AEBP2: variants seen among roughly 807,000 people sequenced by gnomAD.
AEBP2 encodes zinc finger protein AEBP2.
AEBP2 carries 10 observed loss-of-function variants against 50.8 expected under a neutral mutation model. The observed-to-expected ratio is 0.20, with a 90% confidence interval of 0.12 to 0.33. AEBP2 has a LOEUF of 0.33. Among genes scored for constraint, AEBP2 ranks in the 10% least tolerant of loss-of-function variants. The pLI is 1.00. For synonymous variants in AEBP2, 296 were observed against 261.3 expected, an observed-to-expected ratio of 1.13 and a Z score of -1.28; for missense variants, 570 against 688.0, an observed-to-expected ratio of 0.83 and a Z score of 1.92.
chr12:19,483,885 G>C (rs1056915628), intron 3 of AEBP2, among the ~76,000 whole-genome samples: 2 of 152,154 alleles, frequency 1.3e-5, no homozygotes, highest in African/African-American at 2.4e-5. Flanking sequence ...TGAGTGGGTG[G>C]ATCAAAGGTT....
rs772301954 is a variant in AEBP2 at position 19,518,698 on chromosome 12, A to G, written c.*581A>G. The G allele has an allele frequency of 3.4e-6, 5 of 1,492,244 alleles. No homozygotes were observed. The highest frequency in any genetic ancestry group is 1.3e-5 in the South Asian group (1 of 77,046). The allele number at this position is 1,492,244 out of a possible 1,614,324, so 92.4% of individuals were successfully genotyped here. A position where few individuals can be genotyped will look rare whatever the true frequency, so the allele number is the denominator to read the frequency against. ...AGAACTCTGATAAGAAAAGTGTTCA[A>G]TTTGTATTTAAGCAAACAGTGAACG... is the stretch of plus-strand genomic sequence containing the variant. On this transcript the variant is annotated 3_prime_UTR_variant, in exon 8 of 8. Transcript: ENST00000266508.
intron 2 of AEBP2, among the ~76,000 whole-genome samples, chr12:19,466,593 C>T (rs117669067): frequency 0.021 from 3,271 of 152,326 alleles, 40 homozygotes; most frequent in East Asian, 0.042. Context: ...ATTAAACAAA[C>T]TTACTCTCTG....
chr12:19,482,000 C>T (rs535143622), intron 3 of AEBP2, among the ~76,000 whole-genome samples: 1 of 152,306 alleles, frequency 6.6e-6, no homozygotes, highest in East Asian at 1.9e-4. Context: ...GGTTTGGATA[C>T]ATTACTGGGG....
In AEBP2 at chr12:19,451,258, C is replaced by T. The variant is rs368299251; in HGVS notation, c.671+10888C>T. Among the ~76,000 whole-genome samples the T allele has an allele frequency of 1.2e-4, 19 of 152,218 alleles. No homozygotes were observed. The South Asian group carries it at 2.7e-3, about 22-fold the overall frequency. On this transcript the variant is annotated intron_variant, in intron 1 of 7. Coordinates refer to ENST00000266508, the MANE Select transcript of AEBP2 (RefSeq NM_153207.5). ...ATTTCTGCTCTACTTGGTATCAGCT[C>T]GTGGAAGCAGCTTAAAGACTGGGGA...
intron 1 of AEBP2, among the ~76,000 whole-genome samples, chr12:19,415,751 G>T (rs1233495780): frequency 6.6e-6 from 1 of 151,822 alleles, no homozygotes; most frequent in Non-Finnish European, 1.5e-5. Context: ...CATTACTAGG[G>T]TGTAGGAATC....
At chr12:19,420,021 G>GTTTTT (rs569003269) in intron 1 of AEBP2, among the ~76,000 whole-genome samples, 1 of 128,870 alleles carries the variant, frequency 7.8e-6, no homozygotes, top group Non-Finnish European at 1.6e-5. Context: ...TGCATTAATA[G>GTTTTT]TTTTTTTTTT....
chr12:19,468,154 G>GTGTA (rs1948513252), intron 2 of AEBP2, among the ~76,000 whole-genome samples: 1 of 149,658 alleles, frequency 6.7e-6, no homozygotes, highest in South Asian at 2.1e-4. Context: ...GTGTGTGTGT[G>GTGTA]TGTATGTGTT....
chr12:19,432,083 G>A (rs2095751712), intron 1 of AEBP2, among the ~76,000 whole-genome samples: 1 of 152,132 alleles, frequency 6.6e-6, no homozygotes, highest in Non-Finnish European at 1.5e-5. Context: ...GCTGCCATGG[G>A]GGCTGAAGCT....
intron 2 of AEBP2, among the ~76,000 whole-genome samples, chr12:19,469,780 C>T (rs1440119120): frequency 6.6e-6 from 1 of 152,160 alleles, no homozygotes; most frequent in African/African-American, 2.4e-5. Flanking sequence ...TCTGATACAA[C>T]CTAATACAAC....
chr12:19,455,518 A>G (rs758100074), intron 1 of AEBP2, among the ~76,000 whole-genome samples: 1 of 152,156 alleles, frequency 6.6e-6, no homozygotes, highest in Non-Finnish European at 1.5e-5. Flanking sequence ...TCATTTAGCA[A>G]AGTGATCTTT....
intron 1 of AEBP2, among the ~76,000 whole-genome samples, chr12:19,406,085 C>G (rs555904511): frequency 3.1e-4 from 47 of 152,054 alleles, no homozygotes; most frequent in African/African-American, 1.1e-3. Context: ...CCTGCTTTAG[C>G]CTCCCAAGTA....
At chr12:19,503,333 GTGTGTGTGTGTGTA>G (rs921105321) in intron 5 of AEBP2, among the ~76,000 whole-genome samples, 10 of 151,696 alleles carry the variant, frequency 6.6e-5, no homozygotes, top group Non-Finnish European at 1.0e-4. Flanking sequence ...TCCTTGGTGT[GTGTGTGTGTGTGTA>G]TGTGTGTGTG....
At position 19,462,552 on chromosome 12, in the gene AEBP2, T is replaced by G; in HGVS notation, c.714T>G (p.Ser238Arg). The G allele has an allele frequency of 1.2e-6, 2 of 1,613,350 alleles. No homozygotes were observed. Among genetic ancestry groups the G allele is most frequent in the Non-Finnish European group, 1.7e-6 (2 of 1,179,634 alleles). Residue 238 changes from serine to arginine, a missense_variant, in exon 2 of 8, where the codon AGT (serine) becomes AGG (arginine). Around this residue, in one of 2 missense-constraint regions of AEBP2, gnomAD observed 184 missense variants for 351.2 expected, o/e 0.52. Coordinates refer to ENST00000266508, the MANE Select transcript of AEBP2 (RefSeq NM_153207.5). ...TIMDVDSTIS[S>R]GRSTPAMMNG... is the part of the protein sequence containing the mutation. ...TGGATGTAGACAGCACAATTTCCAG[T>G]GGGCGTTCAACTCCAGCAATGATGA...
intron 4 of AEBP2, among the ~76,000 whole-genome samples, chr12:19,497,409 C>A (rs542382698): frequency 1.5e-3 from 194 of 129,092 alleles, no homozygotes; most frequent in African/African-American, 5.7e-3. Context: ...GATCTTGGCT[C>A]ACAGCAACCT....
At chr12:19,404,098 GGACA>G (rs2153362395) in exon 1 of AEBP2, 1 of 152,392 alleles carries the variant, frequency 6.6e-6, no homozygotes, top group South Asian at 2.1e-4. Context: ...CCTCGGTTCT[GGACA>G]ACGGAGATCG....
chr12:19,500,364 A>T, intron 5 of AEBP2, 143 bp downstream of exon 5: 1 of 837,096 alleles, frequency 1.2e-6, no homozygotes, highest in East Asian at 3.0e-5. Flanking sequence ...TATTTAAAAC[A>T]TTGTATTATT....
intron 1 of AEBP2, among the ~76,000 whole-genome samples, chr12:19,414,289 A>G (rs2095741053): frequency 6.6e-6 from 1 of 152,072 alleles, no homozygotes; most frequent in South Asian, 2.1e-4. Context: ...CGTAGGTTTC[A>G]GCCTCATTTT....
chr12:19,429,109 G>A (rs1252163310), intron 1 of AEBP2, among the ~76,000 whole-genome samples: 7 of 151,996 alleles, frequency 4.6e-5, no homozygotes, highest in Non-Finnish European at 8.8e-5. Context: ...GTATATCTCC[G>A]AATGCTATCC....
Position 19,512,467 on chromosome 12 carries a change from T to C in AEBP2, c.1367+2T>C. The C allele has an allele frequency of 6.4e-7, 1 of 1,553,184 alleles. No homozygotes were observed. Among genetic ancestry groups the C allele is most frequent in the Non-Finnish European group, 8.7e-7 (1 of 1,144,568 alleles). On this transcript the variant is annotated splice_donor_variant, in intron 6 of 7. Transcript: ENST00000266508. LOFTEE classifies it high-confidence loss of function. ...GCTTCATTGGATGCCTGAAGACATG[T>C]AAGTATTTGAAATATTATGCCTTAG...
Sources: allele counts gnomAD v4.1 joint callset (sites outside exome capture counted in the v4.1 genomes callset), GRCh38; gene constraint gnomAD v4.1.1; regional missense constraint gnomAD v4.1.1; transcripts MANE v1.5; gene names NCBI Gene and HGNC (gene_info 2026-07-23, HGNC 2026-07-21).